The following CDH4 variants were observed in gnomAD, a reference collection of about 807,000 sequenced individuals.
The protein encoded by CDH4 is cadherin 4, also known as cadherin-4.
A neutral mutation model predicts 86.0 loss-of-function variants in CDH4; 33 were observed. That is an observed-to-expected ratio of 0.38 (90% confidence interval 0.29 to 0.51). The LOEUF (loss-of-function observed/expected upper bound fraction) is 0.51. Ranked by LOEUF, CDH4 falls within the 20% of genes least tolerant of loss-of-function variation. The pLI is 0.86. For missense variants in CDH4, 1,114 were observed against 1,307.4 expected (o/e 0.85, Z 2.28); for synonymous variants, 555 against 549.4 (o/e 1.01, Z -0.14).
chr20:61,265,930 T>C (rs985718677), intron 2 of CDH4, among the ~76,000 whole-genome samples: 2 of 152,228 alleles, frequency 1.3e-5, no homozygotes, highest in Non-Finnish European at 2.9e-5. Flanking sequence ...TTGTGGGTCC[T>C]GAGGTGGGGA....
intron 2 of CDH4, among the ~76,000 whole-genome samples, chr20:61,602,747 C>T (rs1951395216): frequency 6.9e-6 from 1 of 145,938 alleles, no homozygotes; most frequent in Non-Finnish European, 1.5e-5. Flanking sequence ...CTCCCAGGTG[C>T]TGTGTGTGCC....
Position 61,569,108 on chromosome 20 carries a change from C to T in CDH4, c.170-174455C>T, listed in dbSNP as rs747692443. 5.4e-4 allele frequency among the ~76,000 whole-genome samples: 82 copies of T among 152,288 alleles called. 1 individual carries two copies. Among genetic ancestry groups the T allele is most frequent in the Admixed American group, 9.8e-4 (15 of 15,290 alleles). On this transcript the variant is annotated intron_variant, in intron 2 of 15. Transcript: ENST00000614565. ...GACCCTGGGGTTCAAATCCTGGCCG[C>T]GCCACTTGTCCTGCTGTGGGTGAGC...
At chr20:61,473,422 G>A (rs1340549133) in intron 2 of CDH4, among the ~76,000 whole-genome samples, 1 of 152,174 alleles carries the variant, frequency 6.6e-6, no homozygotes, top group Non-Finnish European at 1.5e-5. Flanking sequence ...CTAAGAAGCT[G>A]TGGCTAGAGA....
chr20:61,867,896 C>T (rs1401184673), intron 6 of CDH4, among the ~76,000 whole-genome samples: 2 of 152,172 alleles, frequency 1.3e-5, no homozygotes, highest in South Asian at 4.1e-4. Flanking sequence ...AGCTGAGTTC[C>T]GATGACTCCG....
intron 2 of CDH4, among the ~76,000 whole-genome samples, chr20:61,493,374 TTC>T (rs745622476): frequency 6.6e-6 from 1 of 152,192 alleles, no homozygotes; most frequent in Non-Finnish European, 1.5e-5. Flanking sequence ...AACCTTTTAG[TTC>T]TCTGAGTTTT....
rs546069969 is a variant in CDH4, at chr20:61,806,409, C to T, written c.576+33227C>T. On this transcript the variant is annotated intron_variant, in intron 4 of 15. Coordinates refer to ENST00000614565, the MANE Select transcript of CDH4 (RefSeq NM_001794.5). ...CACACGGGGAGGACCGTCCACTCGC[C>T]TGCAGGAGGGCACCAGAAACACAGT... 3.9e-5 allele frequency among the ~76,000 whole-genome samples: 6 copies of T among 152,346 alleles called. No homozygotes were observed. The South Asian group carries it at 1.2e-3, about 32-fold the overall frequency.
At chr20:61,908,893 G>A (rs1408986142) in intron 8 of CDH4, among the ~76,000 whole-genome samples, 2 of 152,214 alleles carry the variant, frequency 1.3e-5, no homozygotes, top group Non-Finnish European at 2.9e-5. Context: ...CTGGGTTCAG[G>A]TCACCCCAGT....
chr20:61,866,582 A>G (rs916592675), intron 6 of CDH4, among the ~76,000 whole-genome samples: 2 of 152,304 alleles, frequency 1.3e-5, no homozygotes, highest in Non-Finnish European at 2.9e-5. Context: ...TTTTAAAAAG[A>G]AGGAGAAGCA....
In CDH4 at chr20:61,803,971, G is replaced by T. The variant is rs371329847; in HGVS notation, c.576+30789G>T. On this transcript the variant is annotated intron_variant, in intron 4 of 15. Transcript: ENST00000614565. Reference sequence around the variant, plus strand: ...GGAGGTAATGGAAGCAGAAACGAGTGAAACTTTTTTGTTGTGTTTAGCAAG... The same window carrying T: ...GGAGGTAATGGAAGCAGAAACGAGTTAAACTTTTTTGTTGTGTTTAGCAAG... 5.2e-5 allele frequency among the ~76,000 whole-genome samples: 8 copies of T among 152,388 alleles called. 1 individual carries two copies. Among genetic ancestry groups the T allele is most frequent in the East Asian group, 1.9e-4 (1 of 5,190 alleles).
At chr20:61,856,694 G>C (rs1227512426) in intron 6 of CDH4, among the ~76,000 whole-genome samples, 1 of 152,206 alleles carries the variant, frequency 6.6e-6, no homozygotes, top group African/African-American at 2.4e-5. Flanking sequence ...CAGCCCTCCT[G>C]AATTCATGAA....
intron 2 of CDH4, among the ~76,000 whole-genome samples, chr20:61,288,770 G>C (rs1375379645): frequency 6.6e-6 from 1 of 152,240 alleles, no homozygotes; most frequent in Non-Finnish European, 1.5e-5. Flanking sequence ...GACGTTGCCG[G>C]CTGCTCCACA....
chr20:61,651,433 C>T (rs533175516), intron 2 of CDH4, among the ~76,000 whole-genome samples: 6 of 152,366 alleles, frequency 3.9e-5, no homozygotes, highest in South Asian at 4.1e-4. Context: ...GTGCCTGTCG[C>T]GGCGTTCCTC....
At position 61,516,610 on chromosome 20, in the gene CDH4, A is replaced by G. The variant is rs2085823097; in HGVS notation, c.170-226953A>G. Among the ~76,000 whole-genome samples, 1 of 152,162 alleles carries G rather than the reference A, an allele frequency of 6.6e-6. No individual in the cohort carries two copies. Among genetic ancestry groups the G allele is most frequent in the Non-Finnish European group, 1.5e-5 (1 of 68,044 alleles). ...ACAGTTTACAAGGTCATCTGGCAGA[A>G]AGCTCAGTGGCTGAGCTATTTTAAA... On this transcript the variant is annotated intron_variant, in intron 2 of 15. Transcript: ENST00000614565. This position sits in a 1 kb window ranked among gnomAD's most constrained non-coding sequence, Gnocchi z 4.0.
intron 7 of CDH4, among the ~76,000 whole-genome samples, chr20:61,887,522 TGCACACACAC>T (rs1984601749): frequency 6.6e-6 from 1 of 152,234 alleles, no homozygotes; most frequent in Admixed American, 6.5e-5. Flanking sequence ...CATACACACA[TGCACACACAC>T]AATACACTGT....
At chr20:61,746,389 G>A (rs537545336) in intron 3 of CDH4, among the ~76,000 whole-genome samples, 2 of 152,304 alleles carry the variant, frequency 1.3e-5, no homozygotes, top group East Asian at 3.9e-4. Context: ...TGACTTTCTA[G>A]CACCCACTCA....
rs551271363 is a variant in CDH4, at chr20:61,696,717, A to G, written c.170-46846A>G. On this transcript the variant is annotated intron_variant, in intron 2 of 15. Transcript: ENST00000614565. ...TAGAACATACTACCAGGGAGGTGGCAGAGGAGAGTGGGCTGAATGGAGGCC... is the reference window on the plus strand; with the variant it reads ...TAGAACATACTACCAGGGAGGTGGCGGAGGAGAGTGGGCTGAATGGAGGCC... Among the ~76,000 whole-genome samples the G allele has an allele frequency of 2.0e-5, 3 of 152,316 alleles. No individual in the cohort carries two copies. In the South Asian group the frequency reaches 6.2e-4, roughly 32 times the overall value.
chr20:61,811,638 C>G lies in CDH4; in HGVS notation c.577-33030C>G, dbSNP rs990161680. ...GAGCCCAGCCACTGCCACCCGGGGT[C>G]ACGCCCCTGCCACCCGGGGTCACGC... On this transcript the variant is annotated intron_variant, in intron 4 of 15. Transcript: ENST00000614565. This position sits in a 1 kb window ranked among gnomAD's most constrained non-coding sequence, Gnocchi z 4.4. 6.6e-6 allele frequency among the ~76,000 whole-genome samples: 1 copy of G among 151,566 alleles called. No homozygotes were observed. Among genetic ancestry groups the G allele is most frequent in the African/African-American group, 2.4e-5 (1 of 41,204 alleles).
chr20:61,427,514 T>C lies in CDH4; in HGVS notation c.169+172577T>C, dbSNP rs563507645. Among the ~76,000 whole-genome samples, 21 of 152,242 alleles carry C rather than the reference T, an allele frequency of 1.4e-4. No individual in the cohort carries two copies. The East Asian group carries it at 3.9e-3, about 28-fold the overall frequency. ...ACTGAGAGGCTTTTTTTTTCTTTTT[T>C]TGGACCACCTGGCAGCTCCAGCCTA... On this transcript the variant is annotated intron_variant, in intron 2 of 15. Transcript: ENST00000614565.
intron 2 of CDH4, among the ~76,000 whole-genome samples, chr20:61,707,729 A>G (rs965842335): frequency 6.6e-6 from 1 of 152,142 alleles, no homozygotes; most frequent in East Asian, 1.9e-4. Flanking sequence ...AAACTGTCCC[A>G]CCTCGGATCA....
Sources: gnomAD v4.1 joint callset for allele counts (sites outside exome capture counted in the v4.1 genomes callset) on GRCh38, gnomAD v4.1.1 for gene constraint, Gnocchi (gnomAD v3.1) non-coding constraint, MANE v1.5 for transcripts, NCBI Gene and HGNC (gene_info 2026-07-23, HGNC 2026-07-21) for gene names.